The following DYNC1I1 variants were observed in gnomAD, a reference collection of about 807,000 sequenced individuals.
The protein encoded by DYNC1I1 is cytoplasmic dynein 1 intermediate chain 1.
DYNC1I1 carries 43 observed loss-of-function variants against 86.6 expected under a neutral mutation model. The ratio of observed to expected loss-of-function variants is 0.50; its 90% confidence interval spans 0.39 to 0.64. DYNC1I1 has a LOEUF of 0.64. DYNC1I1 is among the 30% of genes least tolerant of loss of function. The pLI, the probability that DYNC1I1 is intolerant of heterozygous loss-of-function variation, is 0.00. For synonymous variants in DYNC1I1, 262 were observed against 283.7 expected (o/e 0.92, Z 0.77); for missense variants, 604 against 788.8 (o/e 0.77, Z 2.81).
rs140469524 is a variant in DYNC1I1, at chr7:96,048,732, G to A, written c.1509+9311G>A. 1.7e-3 allele frequency among the ~76,000 whole-genome samples: 252 copies of A among 152,258 alleles called. 1 individual carries two copies. Among genetic ancestry groups the A allele is most frequent in the Middle Eastern group, 3.4e-3 (1 of 294 alleles). The stretch of plus-strand genomic sequence containing the variant: ...GGGATCTAGTTTAGGGTTCAGACAG[G>A]AGAATGAAAACTATTGTCCCACCTG... On this transcript the variant is annotated intron_variant, in intron 14 of 16. Transcript: ENST00000447467.
In DYNC1I1 at chr7:96,035,668, G is replaced by A. The variant is rs781466179; in HGVS notation, c.1280G>A (p.Gly427Glu). 6.2e-7 allele frequency: 1 copy of A among 1,611,692 alleles called. No homozygotes were observed. The highest frequency in any genetic ancestry group is 1.7e-5 in the Admixed American group (1 of 59,664). The change falls in exon 13 of 17, where the codon GGA becomes GAA. Residue 427 changes from glycine (G) to glutamate (E), a missense_variant. Coordinates refer to ENST00000447467, the MANE Select transcript of DYNC1I1 (RefSeq NM_001135556.2). ...YNKSKPVAVT[G>E]MAFPTGDVNN... ...AAGTCCAAGCCTGTCGCTGTTACCG[G>A]AATGGCTTTCCCAACGGGAGACGTC...
intron 14 of DYNC1I1, among the ~76,000 whole-genome samples, chr7:96,058,919 C>T (rs1256308511): frequency 1.3e-5 from 2 of 149,428 alleles, no homozygotes; most frequent in Admixed American, 1.4e-4. Context: ...GCTAGGATTA[C>T]AGGAGTGAGC....
At chr7:95,870,792 A>T (rs1790142591) in intron 6 of DYNC1I1, among the ~76,000 whole-genome samples, 1 of 152,274 alleles carries the variant, frequency 6.6e-6, no homozygotes. Flanking sequence ...TAGAATTCAA[A>T]ACTTTATCAA....
At chr7:95,993,150 T>A (rs148254528) in intron 9 of DYNC1I1, among the ~76,000 whole-genome samples, 2 of 152,210 alleles carry the variant, frequency 1.3e-5, no homozygotes, top group East Asian at 1.9e-4. Flanking sequence ...TGACTAGTCA[T>A]GTTCAAACAA....
chr7:96,084,947 C>T (rs540593186), intron 16 of DYNC1I1, among the ~76,000 whole-genome samples: 28 of 152,124 alleles, frequency 1.8e-4, no homozygotes, highest in Non-Finnish European at 2.9e-4. Context: ...TGGAGCGGGA[C>T]AGGCTTTCTC....
chr7:96,095,491 G>A (rs1467165491), intron 16 of DYNC1I1, among the ~76,000 whole-genome samples: 1 of 152,026 alleles, frequency 6.6e-6, no homozygotes, highest in Admixed American at 6.6e-5. Context: ...AGCTCTTTAT[G>A]AGCAAGGTAC....
chr7:96,076,220 G>C (rs575924284), intron 15 of DYNC1I1, 23 bp downstream of exon 15: 12 of 1,612,214 alleles, frequency 7.4e-6, no homozygotes, highest in East Asian at 2.2e-5. Context: ...TCAGGCGCCC[G>C]GGCCGGAGGG....
chr7:95,817,618 G>A (rs1202938000), intron 4 of DYNC1I1, among the ~76,000 whole-genome samples: 1 of 151,994 alleles, frequency 6.6e-6, no homozygotes, highest in African/African-American at 2.4e-5. Flanking sequence ...AGAACATGTT[G>A]GTGTCATTTT....
At position 96,078,661 on chromosome 7, in the gene DYNC1I1, C is replaced by A. The variant is rs572073417; in HGVS notation, c.1651-1702C>A. On this transcript the variant is annotated intron_variant, in intron 15 of 16. Transcript: ENST00000447467. ...TTTTCAGTGATTTTTTTGTTATATT[C>A]GTATTAAGATTAAACATTTTATTCT... 1.6e-4 allele frequency among the ~76,000 whole-genome samples: 25 copies of A among 151,862 alleles called. No individual in the cohort carries two copies. In the South Asian group the frequency reaches 4.6e-3, roughly 28 times the overall value.
chr7:95,816,119 G>A, intron 4 of DYNC1I1, among the ~76,000 whole-genome samples: 1 of 151,910 alleles, frequency 6.6e-6, no homozygotes, highest in Non-Finnish European at 1.5e-5. Flanking sequence ...CTGGGCTCAA[G>A]CAATCCTCCT....
At chr7:95,983,427 A>G (rs1793504970) in intron 7 of DYNC1I1, among the ~76,000 whole-genome samples, 1 of 152,148 alleles carries the variant, frequency 6.6e-6, no homozygotes, top group Non-Finnish European at 1.5e-5. Flanking sequence ...TTAAGGTGTG[A>G]ACCAACTACA....
intron 6 of DYNC1I1, among the ~76,000 whole-genome samples, chr7:95,893,727 G>A (rs1790805020): frequency 6.6e-6 from 1 of 152,170 alleles, no homozygotes. Flanking sequence ...GAATAATGCA[G>A]CCAGACTCAA....
At chr7:96,040,680 A>G (rs1789015764) in intron 14 of DYNC1I1, among the ~76,000 whole-genome samples, 1 of 151,806 alleles carries the variant, frequency 6.6e-6, no homozygotes, top group East Asian at 1.9e-4. Context: ...AACAGAACGT[A>G]TGCACTAGAA....
intron 1 of DYNC1I1, among the ~76,000 whole-genome samples, chr7:95,773,719 A>G (rs748747092): frequency 5.9e-5 from 9 of 152,178 alleles, no homozygotes; most frequent in Non-Finnish European, 1.2e-4. Flanking sequence ...ATTGTAGTTC[A>G]GAGTTGTGAA....
At position 96,091,905 on chromosome 7, in the gene DYNC1I1, G is replaced by A. The variant is rs1332459678; in HGVS notation, c.1777-5578G>A. Reference sequence around the variant, plus strand: ...GTGCCACAAGGAAAGAGCTGGATTAGGATGTATTAGTCACATGTGAAAAAT... The same window carrying A: ...GTGCCACAAGGAAAGAGCTGGATTAAGATGTATTAGTCACATGTGAAAAAT... On this transcript the variant is annotated intron_variant, in intron 16 of 16. Transcript: ENST00000447467. Among the ~76,000 whole-genome samples the A allele has an allele frequency of 2.0e-5, 3 of 152,254 alleles. No homozygotes were observed. The East Asian group carries it at 5.8e-4, about 29-fold the overall frequency.
At chr7:96,064,896 G>A (rs1245128828) in intron 14 of DYNC1I1, among the ~76,000 whole-genome samples, 8 of 151,990 alleles carry the variant, frequency 5.3e-5, no homozygotes, top group Admixed American at 6.5e-5. Context: ...CAAGGATGGT[G>A]TATCTAAATG....
rs771229270 is a variant in DYNC1I1, at chr7:96,028,207, C to T, written c.1002C>T (p.Phe334=). ...TGATGTCGGTCTGCTTCGCCCGTTT[C>T]CATCCTAACTTGGTGGTTGGTGGGA... ...SSVMSVCFAR[F]HPNLVVGGTY... is the part of the protein sequence containing the mutation. Residue 334 remains phenylalanine, a synonymous_variant, in exon 11 of 17, where the codon TTC becomes TTT. Coordinates refer to ENST00000447467, the MANE Select transcript of DYNC1I1 (RefSeq NM_001135556.2). 2 of 1,613,920 alleles carry T rather than the reference C, an allele frequency of 1.2e-6. No homozygotes were observed. Among genetic ancestry groups the T allele is most frequent in the Non-Finnish European group, 1.7e-6 (2 of 1,179,856 alleles).
At chr7:95,939,490 G>A (rs886960183) in intron 6 of DYNC1I1, among the ~76,000 whole-genome samples, 4 of 151,898 alleles carry the variant, frequency 2.6e-5, no homozygotes, top group Non-Finnish European at 5.9e-5. Context: ...CCTGTATTGG[G>A]TGCATATATA....
Position 95,998,803 on chromosome 7 carries a change from G to T in DYNC1I1, c.969+2730G>T, listed in dbSNP as rs150861640. 1.0e-3 allele frequency among the ~76,000 whole-genome samples: 153 copies of T among 152,132 alleles called. No individual in the cohort carries two copies. The Middle Eastern group carries it at 0.031, about 30-fold the overall frequency. Reference sequence around the variant, plus strand: ...GTGTATAATTGTAAACAAAACCAATGGATCAGAGAAGCATTGTGTCAGTCA... The same window carrying T: ...GTGTATAATTGTAAACAAAACCAATTGATCAGAGAAGCATTGTGTCAGTCA... On this transcript the variant is annotated intron_variant, in intron 10 of 16. Coordinates refer to ENST00000447467, the MANE Select transcript of DYNC1I1 (RefSeq NM_001135556.2).
Sources: gnomAD v4.1 joint callset for allele counts (sites outside exome capture counted in the v4.1 genomes callset) on GRCh38, gnomAD v4.1.1 for gene constraint, MANE v1.5 for transcripts, NCBI Gene and HGNC (gene_info 2026-07-23, HGNC 2026-07-21) for gene names.